The following ZNF862 variants were observed in gnomAD, a reference collection of about 807,000 sequenced individuals.
ZNF862 encodes zinc finger protein 862.
Under a neutral mutation model 91.1 loss-of-function variants are expected in ZNF862, and 64 were observed. That is an observed-to-expected ratio of 0.70 (90% confidence interval 0.57 to 0.87). The LOEUF is 0.87. Among genes scored for constraint, ZNF862 ranks in the 40% least tolerant of loss-of-function variants. The probability of loss-of-function intolerance (pLI) is 0.00; values close to 1 mark genes in which losing one functional copy is unlikely to be tolerated. For missense variants in ZNF862, 1,459 were observed against 1,528.0 expected, an observed-to-expected ratio of 0.95 and a Z score of 0.75; for synonymous variants, 631 against 618.1, an observed-to-expected ratio of 1.02 and a Z score of -0.31.
rs1335480119 is a variant in ZNF862 at position 149,850,587 on chromosome 7, G to T, written c.1117+249G>T. 3 of 463,208 alleles carry T rather than the reference G, an allele frequency of 6.5e-6. No individual in the cohort carries two copies. In the East Asian group the frequency reaches 1.1e-4, roughly 17 times the overall value. The allele number at this position is 463,208 out of a possible 1,614,324, so 28.7% of individuals were successfully genotyped here. A position where few individuals can be genotyped will look rare whatever the true frequency, so the allele number is the denominator to read the frequency against. On this transcript the variant is annotated intron_variant, in intron 5 of 7. Transcript: ENST00000223210. This position sits in a 1 kb window ranked among gnomAD's most constrained non-coding sequence, Gnocchi z 4.2. The stretch of plus-strand genomic sequence containing the variant: ...TTGGAGTACCTACTATGTGCCAGAT[G>T]AACACAGCTGATCCATGGTCTCTGC...
In ZNF862 at chr7:149,847,784, C is replaced by G. The variant is rs1397383481; in HGVS notation, c.291C>G (p.Thr97=). ...YMGEMEVQGP[T]RESGQSLPPQ... is the part of the protein sequence containing the mutation. ...GAGAAATGGAGGTGCAAGGTCCCAC[C>G]AGGGAGAGTGGACAGTCCCTCCCGC... The change falls in exon 4 of 8, where the codon ACC becomes ACG. Residue 97 remains threonine (T), a synonymous_variant. Coordinates refer to ENST00000223210, the MANE Select transcript of ZNF862 (RefSeq NM_001099220.3). The G allele has an allele frequency of 6.2e-7, 1 of 1,613,908 alleles. No individual in the cohort carries two copies. The highest frequency in any genetic ancestry group is 8.5e-7 in the Non-Finnish European group (1 of 1,179,858).
At chr7:149,853,187 A>G (rs977604224) in intron 5 of ZNF862, among the ~76,000 whole-genome samples, 2 of 152,204 alleles carry the variant, frequency 1.3e-5, no homozygotes, top group Admixed American at 6.5e-5. Context: ...TCTCCGGAGT[A>G]TCTGGGATTA....
At chr7:149,844,527 C>G in intron 1 of ZNF862, 98 bp from the exon 2 acceptor site, 1 of 751,454 alleles carries the variant, frequency 1.3e-6, no homozygotes, top group South Asian at 1.7e-5. Context: ...TTGACAACAC[C>G]CCTCCCCGTG....
chr7:149,866,528 T>C lies in ZNF862; in HGVS notation c.*2244T>C, dbSNP rs1586081378. ...TCCTGTGAGCAGCCGTGAGTGGGTC[T>C]CTGTGGGAGTAGTTCTGGAGCTGAG... On this transcript the variant is annotated 3_prime_UTR_variant, in exon 8 of 8. Coordinates refer to ENST00000223210, the MANE Select transcript of ZNF862 (RefSeq NM_001099220.3). 1 of 152,216 alleles carries C rather than the reference T, an allele frequency of 6.6e-6. No homozygotes were observed. Among genetic ancestry groups the C allele is most frequent in the Non-Finnish European group, 1.5e-5 (1 of 68,092 alleles). The allele number at this position is 152,216 out of a possible 1,614,324, so 9.4% of individuals were successfully genotyped here.
At position 149,861,005 on chromosome 7, in the gene ZNF862, G is replaced by A. The variant is rs1472921408; in HGVS notation, c.1845G>A (p.Leu615=). ...YISETLKREI[L]EDVRNSPCVS... ...CAGAGACCCTGAAGAGGGAGATCCTGGAGGACGTGCGGAACTCGCCCTGTG... is the reference window on the plus strand; with the variant it reads ...CAGAGACCCTGAAGAGGGAGATCCTAGAGGACGTGCGGAACTCGCCCTGTG... The change falls in exon 7 of 8, where the codon CTG becomes CTA. Residue 615 remains leucine, a synonymous_variant. Coordinates refer to ENST00000223210, the MANE Select transcript of ZNF862 (RefSeq NM_001099220.3). This position sits in a 1 kb window ranked among gnomAD's most constrained non-coding sequence, Gnocchi z 6.7. 2 of 1,613,274 alleles carry A rather than the reference G, an allele frequency of 1.2e-6. No individual in the cohort carries two copies. Among genetic ancestry groups the A allele is most frequent in the Non-Finnish European group, 1.7e-6 (2 of 1,179,776 alleles).
At chr7:149,856,965 C>T (rs1272500055) in intron 5 of ZNF862, among the ~76,000 whole-genome samples, 3 of 152,086 alleles carry the variant, frequency 2.0e-5, no homozygotes, top group Non-Finnish European at 4.4e-5. Flanking sequence ...AAAGCATTGC[C>T]CTTTTAGGTT....
At position 149,864,107 on chromosome 7, in the gene ZNF862, A is replaced by G; in HGVS notation, c.3335-2A>G. ...AATTGTATTCTCCTTCCTCCCTCAC[A>G]GGCGCCAGGCTCAGGAAGGAGGAGA... On this transcript the variant is annotated splice_acceptor_variant, in intron 7 of 7. Coordinates refer to ENST00000223210, the MANE Select transcript of ZNF862 (RefSeq NM_001099220.3). LOFTEE classifies it high-confidence loss of function. The G allele has an allele frequency of 6.4e-7, 1 of 1,573,308 alleles. No individual in the cohort carries two copies. Among genetic ancestry groups the G allele is most frequent in the South Asian group, 1.2e-5 (1 of 85,418 alleles).
Position 149,855,389 on chromosome 7 carries a change from C to T in ZNF862, c.1118-4033C>T, listed in dbSNP as rs942925779. On this transcript the variant is annotated intron_variant, in intron 5 of 7. Transcript: ENST00000223210. This position sits in a 1 kb window ranked among gnomAD's most constrained non-coding sequence, Gnocchi z 4.1. ...TTGCCTTTCCCTCCTCAACCTGCTG[C>T]GGCTGTAGAATCTGGACCCATGCCA... is the stretch of plus-strand genomic sequence containing the variant. Among the ~76,000 whole-genome samples the T allele has an allele frequency of 2.0e-5, 3 of 152,178 alleles. No homozygotes were observed. Among genetic ancestry groups the T allele is most frequent in the Admixed American group, 6.5e-5 (1 of 15,284 alleles).
In ZNF862 at chr7:149,850,319, C is replaced by T. The variant is rs200680119; in HGVS notation, c.1098C>T (p.Tyr366=). The change falls in exon 5 of 8, where the codon TAC becomes TAT. Residue 366 remains tyrosine, a synonymous_variant. Coordinates refer to ENST00000223210, the MANE Select transcript of ZNF862 (RefSeq NM_001099220.3). The surrounding 1 kb of genome is among the most constrained non-coding windows in gnomAD (Gnocchi z 4.2). The part of the protein sequence containing the change: ...ELYRDVMRMN[Y]ELLASLGPAA... ...ACAGAGACGTGATGCGGATGAACTA[C>T]GAGCTGTTGGCATCCTTGGGTAAAG... 2.3e-5 allele frequency: 37 copies of T among 1,612,198 alleles called. No individual in the cohort carries two copies. Among genetic ancestry groups the T allele is most frequent in the African/African-American group, 6.7e-5 (5 of 74,872 alleles).
Position 149,859,821 on chromosome 7 carries a change from G to A in ZNF862, c.1222+295G>A, listed in dbSNP as rs79575367. 3,297 of 368,622 alleles carry A rather than the reference G, an allele frequency of 8.9e-3. 122 individuals are homozygous for A. Among genetic ancestry groups the A allele is most frequent in the African/African-American group, 0.064 (3,030 of 47,256 alleles). 22.8% of individuals were successfully genotyped at this position (368,622 alleles called of 1,614,324 possible). A position where few individuals can be genotyped will look rare whatever the true frequency, so the allele number is the denominator to read the frequency against. On this transcript the variant is annotated intron_variant, in intron 6 of 7. Coordinates refer to ENST00000223210, the MANE Select transcript of ZNF862 (RefSeq NM_001099220.3). Reference sequence around the variant, plus strand: ...GGACACTGGTCTCGAGGAGCCAGGGGACCCAGAGATCTGTGAGCCTCTCAT... The same window carrying A: ...GGACACTGGTCTCGAGGAGCCAGGGAACCCAGAGATCTGTGAGCCTCTCAT...
At position 149,862,125 on chromosome 7, in the gene ZNF862, C is replaced by G. The variant is rs776958490; in HGVS notation, c.2965C>G (p.Leu989Val). 1.2e-6 allele frequency: 2 copies of G among 1,613,574 alleles called. No individual in the cohort carries two copies. The highest frequency in any genetic ancestry group is 1.7e-6 in the Non-Finnish European group (2 of 1,179,880). Residue 989 changes from leucine (L) to valine (V), a missense_variant, in exon 7 of 8, where the codon CTG becomes GTG. Coordinates refer to ENST00000223210, the MANE Select transcript of ZNF862 (RefSeq NM_001099220.3). ...SLPTGYSEEA[L>V]LEEWLGLKTI... ...CCCAACAGGATACAGTGAGGAAGCT[C>G]TGCTGGAGGAGTGGCTGGGCCTGAA... is the stretch of plus-strand genomic sequence containing the variant.
At position 149,860,607 on chromosome 7, in the gene ZNF862, A is replaced by T. The variant is rs1412126560; in HGVS notation, c.1447A>T (p.Thr483Ser). Residue 483 changes from threonine (T) to serine (S), a missense_variant, in exon 7 of 8, where the codon ACC (threonine) becomes TCC (serine). By Grantham distance (58) the Thr-to-Ser change is moderately conservative. Transcript: ENST00000223210. ...ATGGTTAGTAATTGACCCCAAAGAGACCAAACTCTTCTGCTCAGCCTGCAT... is the reference window on the plus strand; with the variant it reads ...ATGGTTAGTAATTGACCCCAAAGAGTCCAAACTCTTCTGCTCAGCCTGCAT... ...FPWLVIDPKE[T>S]KLFCSACIER... is the part of the protein sequence containing the mutation. 2 of 1,613,968 alleles carry T rather than the reference A, an allele frequency of 1.2e-6. No homozygotes were observed. Among genetic ancestry groups the T allele is most frequent in the Non-Finnish European group, 1.7e-6 (2 of 1,179,882 alleles).
At chr7:149,859,399 A>T (rs370944902) in intron 5 of ZNF862, 23 bp from the exon 6 acceptor site, 24 of 1,552,466 alleles carry the variant, frequency 1.5e-5, no homozygotes, top group Non-Finnish European at 2.0e-5. Flanking sequence ...TGACATCAGC[A>T]TGATTCTTCA....
Position 149,866,679 on chromosome 7 carries a change from C to G in ZNF862, c.*2395C>G, listed in dbSNP as rs1189788757. Reference sequence around the variant, plus strand: ...CTGTGCAGCGGGGCCACTGAGAATGCTGTTTGTCATAAAATTTGCACTACC... The same window carrying G: ...CTGTGCAGCGGGGCCACTGAGAATGGTGTTTGTCATAAAATTTGCACTACC... On this transcript the variant is annotated 3_prime_UTR_variant, in exon 8 of 8. Coordinates refer to ENST00000223210, the MANE Select transcript of ZNF862 (RefSeq NM_001099220.3). 6.6e-6 allele frequency: 1 copy of G among 152,228 alleles called. No individual in the cohort carries two copies. Among genetic ancestry groups the G allele is most frequent in the East Asian group, 1.9e-4 (1 of 5,188 alleles). The allele number at this position is 152,228 out of a possible 1,614,324, so 9.4% of individuals were successfully genotyped here. A position where few individuals can be genotyped will look rare whatever the true frequency, so the allele number is the denominator to read the frequency against.
intron 1 of ZNF862, among the ~76,000 whole-genome samples, chr7:149,840,490 T>C (rs1406581891): frequency 6.6e-6 from 1 of 152,140 alleles, no homozygotes; most frequent in African/African-American, 2.4e-5. Flanking sequence ...GTGTGCAGTG[T>C]TTATAAAGTC....
intron 5 of ZNF862, among the ~76,000 whole-genome samples, chr7:149,854,347 T>C (rs1374379080): frequency 2.6e-5 from 4 of 152,192 alleles, no homozygotes; most frequent in East Asian, 1.9e-4. Flanking sequence ...TAAAGGAGAC[T>C]GAAGAGGTGT....
rs1458445998 is a variant in ZNF862 at position 149,862,424 on chromosome 7, C to G, written c.3264C>G (p.Tyr1088Ter). Residue 1088 changes from tyrosine (Y) to a stop codon, truncating the protein, a stop_gained, in exon 7 of 8, where the codon TAC (tyrosine) becomes TAG (stop). Transcript: ENST00000223210. LOFTEE classifies it high-confidence loss of function. Reference protein sequence around the residue: ...YDPQPAIQHWYLTSSGRRFSH... With the variant: ...YDPQPAIQHW The stretch of plus-strand genomic sequence containing the variant: ...CCCAGCCCGCCATCCAGCACTGGTA[C>G]CTGACCTCCTCAGGCCGGCGTTTCA... 1.2e-6 allele frequency: 2 copies of G among 1,612,430 alleles called. No homozygotes were observed. Among genetic ancestry groups the G allele is most frequent in the African/African-American group, 2.7e-5 (2 of 74,902 alleles).
At chr7:149,838,783 T>G in intron 1 of ZNF862, 148 bp downstream of exon 1, 2 of 501,210 alleles carry the variant, frequency 4.0e-6, no homozygotes, top group Non-Finnish European at 3.1e-6. Flanking sequence ...CTTCCCGCAC[T>G]TCGGCGCCCG....
rs1219544500 is a variant in ZNF862, at chr7:149,862,104, A to G, written c.2944A>G (p.Thr982Ala). 18 of 1,613,476 alleles carry G rather than the reference A, an allele frequency of 1.1e-5. No individual in the cohort carries two copies. In the African/African-American group the frequency reaches 1.6e-4, roughly 14 times the overall value. Residue 982 changes from threonine (T) to alanine (A), a missense_variant, in exon 7 of 8, where the codon ACA (threonine) becomes GCA (alanine). Physicochemically the swap from Thr to Ala is moderately conservative, Grantham distance 58. Coordinates refer to ENST00000223210, the MANE Select transcript of ZNF862 (RefSeq NM_001099220.3). The stretch of plus-strand genomic sequence containing the variant: ...CAGGTATTTCGAGTGCTCCCTCCCA[A>G]CAGGATACAGTGAGGAAGCTCTGCT... Reference protein sequence around the residue: ...LARYFECSLPTGYSEEALLEE... With the variant: ...LARYFECSLPAGYSEEALLEE...
Sources: gnomAD v4.1 joint callset for allele counts (sites outside exome capture counted in the v4.1 genomes callset) on GRCh38, gnomAD v4.1.1 for gene constraint, Gnocchi (gnomAD v3.1) non-coding constraint, MANE v1.5 for transcripts, NCBI Gene and HGNC (gene_info 2026-07-23, HGNC 2026-07-21) for gene names.